SVOPL: variants seen among roughly 807,000 people sequenced by gnomAD.
SVOPL encodes the protein putative transporter SVOPL.
Under a neutral mutation model 61.0 loss-of-function variants are expected in SVOPL, and 60 were observed. That is an observed-to-expected ratio of 0.98 (90% CI 0.80 to 1.22). The LOEUF (loss-of-function observed/expected upper bound fraction) is 1.22. Among genes scored for constraint, SVOPL ranks in the 50% most tolerant of loss-of-function variants. SVOPL has a pLI of 0.00. For missense variants in SVOPL, 662 were observed against 643.9 expected (o/e 1.03, Z -0.30); for synonymous variants, 279 against 250.0 (o/e 1.12, Z -1.09).
intron 1 of SVOPL, among the ~76,000 whole-genome samples, chr7:138,697,673 GAGGAAAAGAAGAGGA>G (rs1803097094): frequency 7.2e-6 from 1 of 139,210 alleles, no homozygotes; most frequent in African/African-American, 2.6e-5. Flanking sequence ...GGAGGAGAAG[GAGGAAAAGAAGAGGA>G]AGAAGAAGAG....
intron 7 of SVOPL, among the ~76,000 whole-genome samples, chr7:138,654,500 GT>G (rs71179717): frequency 2.4e-4 from 30 of 125,536 alleles, no homozygotes; most frequent in South Asian, 5.0e-4. Flanking sequence ...TACTGAGTTT[GT>G]TTTTTTTTTT....
At position 138,596,473 on chromosome 7, in the gene SVOPL, C is replaced by A; in HGVS notation, c.1411G>T (p.Val471Leu). 1 of 1,613,946 alleles carries A rather than the reference C, an allele frequency of 6.2e-7. No homozygotes were observed. Among genetic ancestry groups the A allele is most frequent in the African/African-American group, 1.3e-5 (1 of 75,014 alleles). Residue 471 changes from valine to leucine, a missense_variant, in exon 15 of 16, where the codon GTA becomes TTA. Physicochemically the swap from Val to Leu is conservative, Grantham distance 32. Coordinates refer to ENST00000674285, the MANE Select transcript of SVOPL (RefSeq NM_001139456.2). ...ALCLFSSVCVVCAISAFTLPI... is the reference protein window; with the variant it reads ...ALCLFSSVCVLCAISAFTLPI... Reference sequence around the variant, plus strand: ...AGAGTGAATGCAGAAATGGCGCATACAACACAGACAGATGAGAAGAGACAC... The same window carrying A: ...AGAGTGAATGCAGAAATGGCGCATAAAACACAGACAGATGAGAAGAGACAC...
intron 13 of SVOPL, among the ~76,000 whole-genome samples, chr7:138,622,692 GC>G (rs1327897729): frequency 6.6e-6 from 1 of 150,390 alleles, no homozygotes; most frequent in East Asian, 1.9e-4. Flanking sequence ...AAACTCCTGG[GC>G]TCAGGTGATC....
At chr7:138,614,082 T>G (rs1799175257) in intron 14 of SVOPL, among the ~76,000 whole-genome samples, 1 of 152,174 alleles carries the variant, frequency 6.6e-6, no homozygotes, top group South Asian at 2.1e-4. Context: ...ATAAAATAAT[T>G]CTTGATTCTA....
intron 13 of SVOPL, among the ~76,000 whole-genome samples, chr7:138,622,084 A>ATGTATCTATCTG (rs1799640193): frequency 5.8e-5 from 8 of 138,864 alleles, no homozygotes; most frequent in African/African-American, 2.0e-4. Context: ...CTATCTATCT[A>ATGTATCTATCTG]TCTATGTATC....
intron 7 of SVOPL, among the ~76,000 whole-genome samples, chr7:138,653,762 T>C (rs13243692): frequency 0.23 from 34,552 of 151,890 alleles, 4,571 homozygotes; most frequent in East Asian, 0.39. Context: ...GGTGAAACCA[T>C]GTCTCACTAA....
At chr7:138,633,551 T>C (rs908509712) in intron 9 of SVOPL, among the ~76,000 whole-genome samples, 2 of 150,578 alleles carry the variant, frequency 1.3e-5, no homozygotes, top group African/African-American at 2.4e-5. Context: ...GGTGCCGTGA[T>C]TGTACAGTCT....
At chr7:138,680,672 G>A (rs1802681414) in intron 1 of SVOPL, among the ~76,000 whole-genome samples, 1 of 151,928 alleles carries the variant, frequency 6.6e-6, no homozygotes, top group Admixed American at 6.6e-5. Context: ...TCTGCCTCCC[G>A]GGTTCATGCC....
In SVOPL at chr7:138,661,262, T is replaced by C. The variant is rs556926600; in HGVS notation, c.346-1274A>G. On this transcript the variant is annotated intron_variant, in intron 5 of 15. Transcript: ENST00000674285. ...TTTATGTCTTGATGTCTAATCTTAG[T>C]AGGCACGTGACTTTGAGCACGTAGC... 6 of 985,440 alleles carry C rather than the reference T, an allele frequency of 6.1e-6. No homozygotes were observed. In the African/African-American group the frequency reaches 1.0e-4, roughly 17 times the overall value. The allele number at this position is 985,440 out of a possible 1,614,324, so 61.0% of individuals were successfully genotyped here.
At position 138,594,375 on chromosome 7, in the gene SVOPL, C is replaced by CA. The variant is rs1798196780; in HGVS notation, c.*234dup. ...ATCTTCCCCCCCACCATCTCCCTCT[C>CA]ACACCCCTTTGAAAGCTTAAATTAT... On this transcript the variant is annotated 3_prime_UTR_variant, in exon 16 of 16. Transcript: ENST00000674285. The CA allele has an allele frequency of 3.2e-6, 1 of 315,440 alleles. No homozygotes were observed. Among genetic ancestry groups the CA allele is most frequent in the Admixed American group, 4.7e-5 (1 of 21,190 alleles). The allele number at this position is 315,440 out of a possible 1,614,324, so 19.5% of individuals were successfully genotyped here. A position where few individuals can be genotyped will look rare whatever the true frequency, so the allele number is the denominator to read the frequency against.
rs915479022 is a variant in SVOPL, at chr7:138,628,256, C to G, written c.971G>C (p.Gly324Ala). The change falls in exon 11 of 16, where the codon GGG becomes GCG. Residue 324 changes from glycine (G) to alanine (A), a missense_variant. Gly to Ala is a moderately conservative substitution (Grantham distance 60). Coordinates refer to ENST00000674285, the MANE Select transcript of SVOPL (RefSeq NM_001139456.2). ...SKSDSAVVVTGGDSGESQSPC... is the reference protein window; with the variant it reads ...SKSDSAVVVTAGDSGESQSPC... ...GCTCTGGCTCTCCCCTGAGTCCCCC[C>G]CAGTCACCACCACCGCAGAGTCTGA... The G allele has an allele frequency of 6.2e-7, 1 of 1,614,198 alleles. No homozygotes were observed. The highest frequency in any genetic ancestry group is 8.5e-7 in the Non-Finnish European group (1 of 1,180,034).
intron 13 of SVOPL, among the ~76,000 whole-genome samples, chr7:138,622,218 C>G (rs201548057): frequency 0.029 from 876 of 30,100 alleles, 24 homozygotes; most frequent in African/African-American, 0.055. Flanking sequence ...ATCTATCTAT[C>G]TATGTATCTA....
chr7:138,608,691 C>G (rs982818623), intron 14 of SVOPL, among the ~76,000 whole-genome samples: 6 of 142,734 alleles, frequency 4.2e-5, no homozygotes, highest in African/African-American at 1.8e-4. Flanking sequence ...AGTGTACACT[C>G]CCCCCCCTTG....
intron 9 of SVOPL, among the ~76,000 whole-genome samples, chr7:138,638,690 A>G (rs981577438): frequency 1.3e-5 from 2 of 152,198 alleles, no homozygotes; most frequent in Admixed American, 1.3e-4. Context: ...AGCCATATAA[A>G]TGAGAGAGGA....
At chr7:138,630,582 GTC>G (rs1467389792) in intron 9 of SVOPL, among the ~76,000 whole-genome samples, 1 of 152,164 alleles carries the variant, frequency 6.6e-6, no homozygotes, top group Non-Finnish European at 1.5e-5. Flanking sequence ...TTCTTTTTCT[GTC>G]TCTAAGGGGG....
intron 13 of SVOPL, among the ~76,000 whole-genome samples, chr7:138,623,476 T>A (rs1011241165): frequency 5.9e-5 from 9 of 152,034 alleles, no homozygotes; most frequent in Non-Finnish European, 1.2e-4. Flanking sequence ...GGCGGGCACC[T>A]GTAGTCCCAG....
At chr7:138,631,364 T>A (rs1800180826) in intron 9 of SVOPL, among the ~76,000 whole-genome samples, 1 of 152,162 alleles carries the variant, frequency 6.6e-6, no homozygotes, top group Non-Finnish European at 1.5e-5. Flanking sequence ...CTTAAGTTAT[T>A]CTAAAATGTA....
In SVOPL at chr7:138,596,431, C is replaced by G. The variant is rs774498176; in HGVS notation, c.1453G>C (p.Gly485Arg). 1.2e-6 allele frequency: 2 copies of G among 1,613,646 alleles called. No individual in the cohort carries two copies. The highest frequency in any genetic ancestry group is 8.5e-7 in the Non-Finnish European group (1 of 1,179,846). Residue 485 changes from glycine (G) to arginine (R), a missense_variant, in exon 15 of 16, where the codon GGA becomes CGA. Gly to Arg is a moderately radical substitution (Grantham distance 125, BLOSUM62 -2). Coordinates refer to ENST00000674285, the MANE Select transcript of SVOPL (RefSeq NM_001139456.2). ...GCATCACTCACCTGGAGGGCCCGTC[C>G]TTTGGTTTCGATGGGGAGAGTGAAT... ...SAFTLPIETKGRALQQIK is the reference protein window; with the variant it reads ...SAFTLPIETKRRALQQIK
intron 1 of SVOPL, among the ~76,000 whole-genome samples, chr7:138,679,356 G>A (rs1802651983): frequency 6.6e-6 from 1 of 152,038 alleles, no homozygotes; most frequent in Admixed American, 6.5e-5. Context: ...TACAACCTCC[G>A]CCTTCTGAGT....
Sources: allele counts gnomAD v4.1 joint callset (sites outside exome capture counted in the v4.1 genomes callset), GRCh38; gene constraint gnomAD v4.1.1; transcripts MANE v1.5; gene names NCBI Gene and HGNC (gene_info 2026-07-23, HGNC 2026-07-21).